Variants in SPRYD7 observed in about 807,000 individuals in gnomAD.
SPRYD7 encodes the protein SPRY domain-containing protein 7.
A neutral mutation model predicts 23.8 loss-of-function variants in SPRYD7; 14 were observed. The ratio of observed to expected loss-of-function variants is 0.59; its 90% confidence interval spans 0.39 to 0.92. The LOEUF (loss-of-function observed/expected upper bound fraction) is 0.92, where lower values mean the gene tolerates loss of function less well. SPRYD7 is among the 40% of genes least tolerant of loss of function. The probability of loss-of-function intolerance (pLI) is 0.00; values close to 1 mark genes in which losing one functional copy is unlikely to be tolerated. For synonymous variants in SPRYD7, 75 were observed against 84.9 expected (o/e 0.88, Z 0.64); for missense variants, 194 against 241.7 (o/e 0.80, Z 1.31).
intron 1 of SPRYD7, among the ~76,000 whole-genome samples, 192 bp downstream of exon 1, chr13:49,935,938 G>C (rs1047295810): frequency 6.6e-6 from 1 of 152,132 alleles, no homozygotes; most frequent in Non-Finnish European, 1.5e-5. Context: ...AGAGGGCTGC[G>C]CAGCCTTGAA....
chr13:49,931,215 T>C, intron 1 of SPRYD7, 81 bp from the exon 2 acceptor site: 6 of 891,824 alleles, frequency 6.7e-6, no homozygotes, highest in Non-Finnish European at 1.0e-5. Flanking sequence ...AGTCTTGCTC[T>C]GTCACCCAGG....
intron 3 of SPRYD7, among the ~76,000 whole-genome samples, chr13:49,922,825 A>AC (rs1016335242): frequency 1.6e-4 from 2 of 12,268 alleles, no homozygotes; most frequent in East Asian, 2.1e-3. Context: ...GTAAAAAAAA[A>AC]AAATTTTATA....
chr13:49,927,821 G>T, intron 3 of SPRYD7, 98 bp downstream of exon 3: 1 of 1,320,904 alleles, frequency 7.6e-7, no homozygotes, highest in Non-Finnish European at 1.1e-6. Context: ...CCACTGCTTT[G>T]GAATTCAAAC....
intron 2 of SPRYD7, 81 bp downstream of exon 2, chr13:49,930,937 G>C: frequency 1.2e-6 from 1 of 845,066 alleles, no homozygotes; most frequent in African/African-American, 1.8e-5. Context: ...ATTACCTTCT[G>C]AATCTTTTTT....
intron 4 of SPRYD7, among the ~76,000 whole-genome samples, chr13:49,920,237 C>T (rs1431768084): frequency 6.6e-6 from 1 of 150,582 alleles, no homozygotes; most frequent in Non-Finnish European, 1.5e-5. Context: ...GGGGACACAG[C>T]AAGACTCTGT....
At position 49,924,989 on chromosome 13, in the gene SPRYD7, TA is replaced by T. The variant is rs1194550786; in HGVS notation, c.390+2929del. On this transcript the variant is annotated intron_variant, in intron 3 of 4. Coordinates refer to ENST00000361840, the MANE Select transcript of SPRYD7 (RefSeq NM_020456.4). ...AAAACTCCATCTCAAAAAAAAAAAA[TA>T]AATAAATAATAATAATAATAATAAT... is the stretch of plus-strand genomic sequence containing the variant. 4.2e-4 allele frequency among the ~76,000 whole-genome samples: 56 copies of T among 134,772 alleles called. No homozygotes were observed. The East Asian group carries it at 9.1e-3, about 22-fold the overall frequency. 88.4% of individuals were successfully genotyped at this position (134,772 alleles called of 152,430 possible). A position where few individuals can be genotyped will look rare whatever the true frequency, so the allele number is the denominator to read the frequency against.
chr13:49,914,919 G>T lies in SPRYD7; in HGVS notation c.*144C>A. ...TATTTTAAATCACAACTTCAGGGTG[G>T]TATACTGAATACATTGGTTCCTTAG... is the stretch of plus-strand genomic sequence containing the variant. On this transcript the variant is annotated 3_prime_UTR_variant, in exon 5 of 5. Coordinates refer to ENST00000361840, the MANE Select transcript of SPRYD7 (RefSeq NM_020456.4). 2.4e-6 allele frequency: 1 copy of T among 423,746 alleles called. No individual in the cohort carries two copies. The highest frequency in any genetic ancestry group is 4.3e-6 in the Non-Finnish European group (1 of 231,482). 26.2% of individuals were successfully genotyped at this position (423,746 alleles called of 1,614,324 possible).
Position 49,931,141 on chromosome 13 carries a change from A to G in SPRYD7, c.107-7T>C. On this transcript the variant is annotated splice_polypyrimidine_tract_variant and splice_region_variant and intron_variant, in intron 1 of 4. Coordinates refer to ENST00000361840, the MANE Select transcript of SPRYD7 (RefSeq NM_020456.4). ...ACAATAACAACATCTGTTCCTAAAC[A>G]AAAAATGCAGACACTATGTAAAGTT... 6.5e-7 allele frequency: 1 copy of G among 1,527,564 alleles called. No homozygotes were observed. Among genetic ancestry groups the G allele is most frequent in the East Asian group, 2.3e-5 (1 of 44,334 alleles). 94.6% of individuals were successfully genotyped at this position (1,527,564 alleles called of 1,614,324 possible).
chr13:49,917,575 T>C (rs1298139254), intron 4 of SPRYD7, among the ~76,000 whole-genome samples: 3 of 152,240 alleles, frequency 2.0e-5, no homozygotes, highest in African/African-American at 7.2e-5. Context: ...AGGATCAGGC[T>C]ATTAAAACAC....
At chr13:49,927,823 A>T in intron 3 of SPRYD7, 96 bp downstream of exon 3, 2 of 1,347,948 alleles carry the variant, frequency 1.5e-6, no homozygotes, top group Non-Finnish European at 2.1e-6. Flanking sequence ...ACTGCTTTGG[A>T]ATTCAAACCA....
At chr13:49,927,845 A>G (rs569490381) in intron 3 of SPRYD7, 74 bp downstream of exon 3, 42 of 1,508,704 alleles carry the variant, frequency 2.8e-5, no homozygotes, top group Non-Finnish European at 3.8e-5. Flanking sequence ...AAACTCCCAG[A>G]CAAAGCTGTA....
chr13:49,928,738 G>C (rs553806395), intron 2 of SPRYD7, among the ~76,000 whole-genome samples: 1 of 152,188 alleles, frequency 6.6e-6, no homozygotes, highest in African/African-American at 2.4e-5. Context: ...CACACAGTAA[G>C]TATTCAGAAA....
At position 49,936,195 on chromosome 13, in the gene SPRYD7, T is replaced by C. The variant is rs1159161797; in HGVS notation, c.41A>G (p.Asp14Gly). The change falls in exon 1 of 5, where the codon GAC (aspartate) becomes GGC (glycine). Residue 14 changes from aspartate (D) to glycine (G), a missense_variant. By Grantham distance (94) the Asp-to-Gly change is moderately conservative. Coordinates refer to ENST00000361840, the MANE Select transcript of SPRYD7 (RefSeq NM_020456.4). ...CAGAGGGATGTGGCCAGTCCCCCCG[T>C]CTCTGCAGCACCGCAGGCAGCACAA... ...SVLCCLRCCR[D>G]GGTGHIPLKE... The C allele has an allele frequency of 4.3e-6, 7 of 1,609,260 alleles. No individual in the cohort carries two copies. The highest frequency in any genetic ancestry group is 1.7e-5 in the Admixed American group (1 of 59,724).
intron 4 of SPRYD7, among the ~76,000 whole-genome samples, chr13:49,919,807 TAA>T (rs76372615): frequency 3.7e-5 from 5 of 135,618 alleles, no homozygotes; most frequent in African/African-American, 2.7e-5. Context: ...TATGTTTTTC[TAA>T]AAAAAAAAAA....
At chr13:49,929,037 GT>G (rs113026114) in intron 2 of SPRYD7, among the ~76,000 whole-genome samples, 27,403 of 152,192 alleles carry the variant, frequency 0.18, 2,816 homozygotes, top group African/African-American at 0.27. Flanking sequence ...GTTGTGCTAT[GT>G]TTGCCCAGGC....
Position 49,921,507 on chromosome 13 carries a change from A to G in SPRYD7, c.464T>C (p.Ile155Thr). The G allele has an allele frequency of 6.2e-7, 1 of 1,613,100 alleles. No individual in the cohort carries two copies. Among genetic ancestry groups the G allele is most frequent in the Non-Finnish European group, 8.5e-7 (1 of 1,179,142 alleles). Residue 155 changes from isoleucine to threonine, a missense_variant, in exon 4 of 5, where the codon ATA becomes ACA. By Grantham distance (89) the Ile-to-Thr change is moderately conservative. Transcript: ENST00000361840. ...GKNMHCPASG[I>T]RGTVYPVVYV... ...AACAACTGGATACACTGTCCCTCGT[A>G]TACCTGATGCTGGACAATGCATGTT...
rs1402768322 is a variant in SPRYD7 at position 49,936,301 on chromosome 13, C to T, written c.-66G>A. The T allele has an allele frequency of 1.4e-5, 17 of 1,186,952 alleles. No individual in the cohort carries two copies. The highest frequency in any genetic ancestry group is 5.9e-6 in the Non-Finnish European group (5 of 846,924). 73.5% of individuals were successfully genotyped at this position (1,186,952 alleles called of 1,614,324 possible). A position where few individuals can be genotyped will look rare whatever the true frequency, so the allele number is the denominator to read the frequency against. On this transcript the variant is annotated 5_prime_UTR_variant, in exon 1 of 5. Coordinates refer to ENST00000361840, the MANE Select transcript of SPRYD7 (RefSeq NM_020456.4). ...GGCGACACTGCCCCCCGCCGCTCAGCTCCGTCTCCTGCCCCCGCCCGAGGT... is the reference window on the plus strand; with the variant it reads ...GGCGACACTGCCCCCCGCCGCTCAGTTCCGTCTCCTGCCCCCGCCCGAGGT...
chr13:49,930,153 C>T (rs1033905494), intron 2 of SPRYD7, among the ~76,000 whole-genome samples: 14 of 152,056 alleles, frequency 9.2e-5, no homozygotes, highest in South Asian at 4.1e-4. Context: ...AGTTAACTAA[C>T]CTATTATAAT....
chr13:49,919,764 T>C (rs1026124038), intron 4 of SPRYD7, among the ~76,000 whole-genome samples: 2 of 121,170 alleles, frequency 1.7e-5, no homozygotes, highest in Non-Finnish European at 3.5e-5. Flanking sequence ...GTATAAAAAA[T>C]AAAGCAGAAT....
Sources: gnomAD v4.1 joint callset for allele counts (sites outside exome capture counted in the v4.1 genomes callset) on GRCh38, gnomAD v4.1.1 for gene constraint, MANE v1.5 for transcripts, NCBI Gene and HGNC (gene_info 2026-07-23, HGNC 2026-07-21) for gene names.